SLC16A1: variants seen among roughly 807,000 people sequenced by gnomAD.
SLC16A1 encodes the protein solute carrier family 16 member 1.
A neutral mutation model predicts 32.2 loss-of-function variants in SLC16A1; 11 were observed. That is an observed-to-expected ratio of 0.34 (90% CI 0.21 to 0.56). SLC16A1 has a LOEUF of 0.56. Ranked by LOEUF, SLC16A1 falls within the 20% of genes least tolerant of loss-of-function variation. The pLI, the probability that SLC16A1 is intolerant of heterozygous loss-of-function variation, is 0.87. For missense variants in SLC16A1, 435 were observed against 615.0 expected (o/e 0.71, Z 3.10); for synonymous variants, 231 against 226.8 (o/e 1.02, Z -0.17).
intron 1 of SLC16A1, among the ~76,000 whole-genome samples, chr1:112,942,843 A>G (rs1248872436): frequency 2.0e-5 from 3 of 152,234 alleles, no homozygotes; most frequent in African/African-American, 7.2e-5. Flanking sequence ...TGTTTTAGAT[A>G]TGAGGAGGAT....
chr1:112,943,604 A>G lies in SLC16A1; in HGVS notation c.-45+12431T>C, dbSNP rs370143310. On this transcript the variant is annotated intron_variant, in intron 1 of 4. Transcript: ENST00000369626. ...GGAGTTTGAGACCAGCCTGGCCAAC[A>G]TGGCAAAACCTCGTCTCTACTAAAA... is the stretch of plus-strand genomic sequence containing the variant. 1.3e-4 allele frequency among the ~76,000 whole-genome samples: 20 copies of G among 151,348 alleles called. No individual in the cohort carries two copies. In the East Asian group the frequency reaches 2.0e-3, roughly 15 times the overall value.
chr1:112,924,663 G>C (rs186593737), intron 2 of SLC16A1, among the ~76,000 whole-genome samples: 1 of 152,214 alleles, frequency 6.6e-6, no homozygotes, highest in Non-Finnish European at 1.5e-5. Context: ...TTGCAATTAG[G>C]TAATCTTGAT....
At chr1:112,946,090 T>G (rs536586690) in intron 1 of SLC16A1, among the ~76,000 whole-genome samples, 1 of 152,230 alleles carries the variant, frequency 6.6e-6, no homozygotes, top group Non-Finnish European at 1.5e-5. Context: ...ACTAGAAATT[T>G]AGGATATAAT....
rs372496029 is a variant in SLC16A1 at position 112,933,009 on chromosome 1, T to C, written c.-44-3657A>G. 2.6e-4 allele frequency among the ~76,000 whole-genome samples: 39 copies of C among 152,226 alleles called. No homozygotes were observed. In the East Asian group the frequency reaches 5.0e-3, roughly 20 times the overall value. Reference sequence around the variant, plus strand: ...AATATGAAAACATTTTTAAATGCTATTGTAAATGGTAAACTATATAGAAAT... The same window carrying C: ...AATATGAAAACATTTTTAAATGCTACTGTAAATGGTAAACTATATAGAAAT... On this transcript the variant is annotated intron_variant, in intron 1 of 4. Coordinates refer to ENST00000369626, the MANE Select transcript of SLC16A1 (RefSeq NM_003051.4).
At chr1:112,921,848 T>C in intron 3 of SLC16A1, 142 bp downstream of exon 3, 1 of 1,004,150 alleles carries the variant, frequency 1.0e-6, no homozygotes, top group Non-Finnish European at 1.5e-6. Flanking sequence ...TCTAGTACTT[T>C]TATCTCTAGT....
intron 1 of SLC16A1, among the ~76,000 whole-genome samples, chr1:112,949,880 A>G: frequency 6.6e-6 from 1 of 152,186 alleles, no homozygotes; most frequent in South Asian, 2.1e-4. Flanking sequence ...GCAAAGATAG[A>G]ACTGTCAAAA....
chr1:112,918,085 TAAA>T (rs767161177), intron 3 of SLC16A1, 41 bp from the exon 4 acceptor site: 2 of 1,106,464 alleles, frequency 1.8e-6, no homozygotes, highest in South Asian at 3.2e-5. Context: ...AATAAATAAA[TAAA>T]TAAATAAATA....
At position 112,929,345 on chromosome 1, in the gene SLC16A1, C is replaced by A. The variant is rs567401215; in HGVS notation, c.-37G>T. 2.0e-6 allele frequency: 3 copies of A among 1,536,210 alleles called. No individual in the cohort carries two copies. Among genetic ancestry groups the A allele is most frequent in the East Asian group, 2.3e-5 (1 of 44,434 alleles). On this transcript the variant is annotated 5_prime_UTR_variant, in exon 2 of 5. Coordinates refer to ENST00000369626, the MANE Select transcript of SLC16A1 (RefSeq NM_003051.4). ...ATAAATTCCAAAATGCAGGTCAAAT[C>A]CAAATATCTGAAAGACATAAAATTA...
In SLC16A1 at chr1:112,914,067, T is replaced by C. The variant is rs199499500; in HGVS notation, c.1327A>G (p.Ile443Val). The change falls in exon 5 of 5, where the codon ATC becomes GTC. Residue 443 changes from isoleucine (I) to valine (V), a missense_variant. By Grantham distance (29) the Ile-to-Val change is conservative (BLOSUM62 3). Around this residue, in one of 2 missense-constraint regions of SLC16A1, gnomAD observed 111 missense variants for 114.7 expected, o/e 0.97. Coordinates refer to ENST00000369626, the MANE Select transcript of SLC16A1 (RefSeq NM_003051.4). ...TCTTTTGCCAAAAGTCGATAATTGA[T>C]GCCCATGCCAATGAAGAGATAGATA... ...SGIYLFIGMG[I>V]NYRLLAKEQK... 1 of 1,614,188 alleles carries C rather than the reference T, an allele frequency of 6.2e-7. No homozygotes were observed. Among genetic ancestry groups the C allele is most frequent in the Non-Finnish European group, 8.5e-7 (1 of 1,180,040 alleles).
At chr1:112,922,871 T>C (rs1648787417) in intron 2 of SLC16A1, among the ~76,000 whole-genome samples, 1 of 152,322 alleles carries the variant, frequency 6.6e-6, no homozygotes, top group East Asian at 1.9e-4. Context: ...TAAATGCATC[T>C]AGATTTTAGA....
chr1:112,940,128 C>A (rs1329164557), intron 1 of SLC16A1, among the ~76,000 whole-genome samples: 1 of 149,216 alleles, frequency 6.7e-6, no homozygotes, highest in Admixed American at 6.7e-5. Context: ...CACTGTAGCT[C>A]CTGGGCTCAA....
chr1:112,953,377 G>A (rs1649966668), intron 1 of SLC16A1, among the ~76,000 whole-genome samples: 1 of 152,074 alleles, frequency 6.6e-6, no homozygotes, highest in Non-Finnish European at 1.5e-5. Flanking sequence ...TGGCCAGGCT[G>A]GTCTTGAACT....
chr1:112,924,267 C>T (rs1648853524), intron 2 of SLC16A1: 1 of 1,480,252 alleles, frequency 6.8e-7, no homozygotes, highest in African/African-American at 1.4e-5. Context: ...GGAAGGGCCC[C>T]TGGAGCCAGA....
At chr1:112,916,171 CTTTTT>C (rs11299751) in intron 4 of SLC16A1, among the ~76,000 whole-genome samples, 4 of 119,532 alleles carry the variant, frequency 3.3e-5, no homozygotes, top group East Asian at 2.4e-4. Context: ...CTGAAATAAA[CTTTTT>C]TTTTTTTTTT....
At chr1:112,937,406 A>G (rs1224427628) in intron 1 of SLC16A1, among the ~76,000 whole-genome samples, 1 of 152,228 alleles carries the variant, frequency 6.6e-6, no homozygotes. Flanking sequence ...AGTATAAGAA[A>G]TAAGAGCATG....
In SLC16A1 at chr1:112,919,294, A is replaced by G. The variant is rs917430870; in HGVS notation, c.362-1250T>C. Among the ~76,000 whole-genome samples, 7 of 152,100 alleles carry G rather than the reference A, an allele frequency of 4.6e-5. No homozygotes were observed. The South Asian group carries it at 1.4e-3, about 31-fold the overall frequency. ...CGTGATCCACCTGGCTCGGCCTCCC[A>G]AAGTGCTGGGATTACAGGCGTAAGC... On this transcript the variant is annotated intron_variant, in intron 3 of 4. Coordinates refer to ENST00000369626, the MANE Select transcript of SLC16A1 (RefSeq NM_003051.4).
chr1:112,922,997 G>A (rs1482605767), intron 2 of SLC16A1, among the ~76,000 whole-genome samples: 1 of 151,818 alleles, frequency 6.6e-6, no homozygotes, highest in Non-Finnish European at 1.5e-5. Flanking sequence ...TGTAAGCTCC[G>A]CCTCCCGGGT....
At chr1:112,951,026 T>G (rs1649873399) in intron 1 of SLC16A1, among the ~76,000 whole-genome samples, 1 of 151,540 alleles carries the variant, frequency 6.6e-6, no homozygotes, top group Non-Finnish European at 1.5e-5. Context: ...ATTTATAAAA[T>G]TATAATTTAT....
intron 1 of SLC16A1, among the ~76,000 whole-genome samples, chr1:112,945,333 T>C (rs1649660152): frequency 6.6e-6 from 1 of 151,968 alleles, no homozygotes; most frequent in Non-Finnish European, 1.5e-5. Context: ...ACAATGCTGT[T>C]TTTGAAGAAC....
Sources: gnomAD v4.1 joint callset for allele counts (sites outside exome capture counted in the v4.1 genomes callset) on GRCh38, gnomAD v4.1.1 for gene constraint, gnomAD v4.1.1 regional missense constraint, MANE v1.5 for transcripts, NCBI Gene and HGNC (gene_info 2026-07-23, HGNC 2026-07-21) for gene names.